The following DIAPH3 variants were observed in gnomAD, a reference collection of about 807,000 sequenced individuals.
DIAPH3 encodes the protein diaphanous related formin 3.
DIAPH3 carries 117 observed loss-of-function variants against 144.3 expected under a neutral mutation model. The observed-to-expected ratio is 0.81, with a 90% CI of 0.70 to 0.95. DIAPH3 has a LOEUF of 0.95. Ranked by LOEUF, DIAPH3 falls within the 40% of genes least tolerant of loss-of-function variation. The pLI, the probability that DIAPH3 is intolerant of heterozygous loss-of-function variation, is 0.00. For missense variants in DIAPH3, 1,421 were observed against 1,412.7 expected (o/e 1.01, Z -0.09); for synonymous variants, 519 against 488.9 (o/e 1.06, Z -0.81).
chr13:59,876,513 T>C (rs747258998), intron 21 of DIAPH3, among the ~76,000 whole-genome samples: 37 of 152,188 alleles, frequency 2.4e-4, no homozygotes, highest in Non-Finnish European at 4.6e-4. Flanking sequence ...AGTGATTGTA[T>C]CTCAATGAGA....
At chr13:60,111,243 A>T (rs2058559698) in intron 3 of DIAPH3, among the ~76,000 whole-genome samples, 1 of 152,204 alleles carries the variant, frequency 6.6e-6, no homozygotes, top group Non-Finnish European at 1.5e-5. Flanking sequence ...AACCAGAAAA[A>T]GGTTAGGCAT....
chr13:60,025,334 C>A (rs946427795), intron 5 of DIAPH3, among the ~76,000 whole-genome samples: 4 of 143,892 alleles, frequency 2.8e-5, no homozygotes, highest in African/African-American at 1.0e-4. Flanking sequence ...TTTCTTAAAT[C>A]TCAAGGTTCC....
rs571475193 is a variant in DIAPH3, at chr13:59,871,914, T to G, written c.2607+7315A>C. On this transcript the variant is annotated intron_variant, in intron 21 of 27. Transcript: ENST00000400324. Reference sequence around the variant, plus strand: ...ATATTCTTCCGTTATCTTTTTAACATCCATAGGATCAGTAACGATAGTCCC... The same window carrying G: ...ATATTCTTCCGTTATCTTTTTAACAGCCATAGGATCAGTAACGATAGTCCC... 3.3e-5 allele frequency among the ~76,000 whole-genome samples: 5 copies of G among 152,342 alleles called. No homozygotes were observed. In the South Asian group the frequency reaches 1.0e-3, roughly 32 times the overall value.
At chr13:59,868,663 T>C (rs1425849856) in intron 21 of DIAPH3, among the ~76,000 whole-genome samples, 2 of 152,180 alleles carry the variant, frequency 1.3e-5, no homozygotes, top group African/African-American at 2.4e-5. Flanking sequence ...ATCACTACAA[T>C]GTTATACAGA....
At chr13:59,806,297 C>T (rs2040187409) in intron 25 of DIAPH3, among the ~76,000 whole-genome samples, 1 of 151,870 alleles carries the variant, frequency 6.6e-6, no homozygotes, top group Non-Finnish European at 1.5e-5. Context: ...TGAGCAGTAC[C>T]ATGTTCTGTA....
chr13:59,741,432 A>C lies in DIAPH3; in HGVS notation c.3319+32757T>G, dbSNP rs76730718. Among the ~76,000 whole-genome samples, 658 of 152,304 alleles carry C rather than the reference A, an allele frequency of 4.3e-3. 2 individuals carry two copies. The highest frequency in any genetic ancestry group is 0.015 in the African/African-American group (617 of 41,554). On this transcript the variant is annotated intron_variant, in intron 27 of 27. Transcript: ENST00000400324. ...ACGTGTATCTCAGAGAGACAAAAAC[A>C]GAAGACAAAACTGTAAGTATTGCTA...
intron 20 of DIAPH3, among the ~76,000 whole-genome samples, chr13:59,894,731 AACAAAT>A (rs2140140742): frequency 6.6e-6 from 1 of 152,104 alleles, no homozygotes; most frequent in South Asian, 2.1e-4. Context: ...ACTTAGGAAA[AACAAAT>A]ACAGTGTCAA....
chr13:60,091,168 C>T (rs780087600), intron 4 of DIAPH3, among the ~76,000 whole-genome samples: 1 of 152,022 alleles, frequency 6.6e-6, no homozygotes, highest in Non-Finnish European at 1.5e-5. Context: ...TCTTCACTGA[C>T]TACACAAAAC....
At chr13:60,124,628 C>T (rs906653398) in intron 2 of DIAPH3, among the ~76,000 whole-genome samples, 1 of 151,886 alleles carries the variant, frequency 6.6e-6, no homozygotes, top group Non-Finnish European at 1.5e-5. Flanking sequence ...TCGATGGCAT[C>T]AAGGGAAAAG....
intron 1 of DIAPH3, among the ~76,000 whole-genome samples, chr13:60,159,127 C>T (rs1198623937): frequency 1.3e-5 from 2 of 152,048 alleles, no homozygotes; most frequent in Admixed American, 6.6e-5. Flanking sequence ...ATTCCTACTA[C>T]GTGTACAATC....
At chr13:60,045,791 T>G (rs986514195) in intron 4 of DIAPH3, among the ~76,000 whole-genome samples, 1 of 152,206 alleles carries the variant, frequency 6.6e-6, no homozygotes, top group African/African-American at 2.4e-5. Context: ...AAATAGATTT[T>G]TTTCTTCAAC....
chr13:59,739,718 A>G (rs1205123332), intron 27 of DIAPH3, among the ~76,000 whole-genome samples: 1 of 152,124 alleles, frequency 6.6e-6, no homozygotes, highest in Non-Finnish European at 1.5e-5. Context: ...GCTTATCCCA[A>G]TGTACATCCT....
chr13:59,816,798 G>A (rs558644350), intron 24 of DIAPH3, among the ~76,000 whole-genome samples: 6 of 151,762 alleles, frequency 4.0e-5, no homozygotes, highest in Non-Finnish European at 7.4e-5. Context: ...ATCAAATCAC[G>A]GTAATTGGAA....
At position 60,060,290 on chromosome 13, in the gene DIAPH3, T is replaced by C. The variant is rs182295609; in HGVS notation, c.496-17470A>G. On this transcript the variant is annotated intron_variant, in intron 4 of 27. Coordinates refer to ENST00000400324, the MANE Select transcript of DIAPH3 (RefSeq NM_001042517.2). ...AGGATAAAACAAAATCTTTGGATCA[T>C]TGGATCACACCCCACTACAATCCAT... Among the ~76,000 whole-genome samples the C allele has an allele frequency of 4.5e-4, 68 of 152,194 alleles. No homozygotes were observed. The East Asian group carries it at 0.011, about 25-fold the overall frequency.
chr13:59,766,420 G>C (rs951628948), intron 27 of DIAPH3, among the ~76,000 whole-genome samples: 1 of 152,162 alleles, frequency 6.6e-6, no homozygotes, highest in African/African-American at 2.4e-5. Flanking sequence ...CCCAGCCAGA[G>C]ACTATGACTT....
At chr13:60,041,539 T>G (rs2055665093) in intron 5 of DIAPH3, among the ~76,000 whole-genome samples, 1 of 152,174 alleles carries the variant, frequency 6.6e-6, no homozygotes, top group Non-Finnish European at 1.5e-5. Flanking sequence ...GGTTGTTTTC[T>G]TTTAAATACA....
chr13:59,786,285 T>C (rs917489118), intron 25 of DIAPH3, among the ~76,000 whole-genome samples: 3 of 152,198 alleles, frequency 2.0e-5, no homozygotes, highest in African/African-American at 7.2e-5. Flanking sequence ...AATAGGATTA[T>C]AGAGATGATA....
At chr13:59,863,177 GA>G (rs2043704550) in intron 21 of DIAPH3, among the ~76,000 whole-genome samples, 2 of 152,078 alleles carry the variant, frequency 1.3e-5, no homozygotes, top group African/African-American at 4.8e-5. Flanking sequence ...TGTTGGGATA[GA>G]AAGTATTGGC....
chr13:60,128,316 G>A (rs879941412), intron 2 of DIAPH3, among the ~76,000 whole-genome samples: 7 of 152,064 alleles, frequency 4.6e-5, no homozygotes, highest in Non-Finnish European at 7.4e-5. Context: ...GCCATTGATG[G>A]GCATTTAGAT....
Sources: allele counts gnomAD v4.1 joint callset (sites outside exome capture counted in the v4.1 genomes callset), GRCh38; gene constraint gnomAD v4.1.1; transcripts MANE v1.5; gene names NCBI Gene and HGNC (gene_info 2026-07-23, HGNC 2026-07-21).